Variants in MDN1 observed in about 807,000 individuals in gnomAD.
MDN1 encodes the protein midasin AAA ATPase 1, also known as midasin.
Under a neutral mutation model 669.2 loss-of-function variants are expected in MDN1, and 266 were observed. That is an observed-to-expected ratio of 0.40 (90% confidence interval 0.36 to 0.44). MDN1 has a LOEUF of 0.44. Ranked by LOEUF, MDN1 falls within the 20% of genes least tolerant of loss-of-function variation. MDN1 has a pLI of 1.00. For synonymous variants in MDN1, 2,385 were observed against 2,457.1 expected, an observed-to-expected ratio of 0.97 and a Z score of 0.87; for missense variants, 5,940 against 6,754.0, an observed-to-expected ratio of 0.88 and a Z score of 4.22.
chr6:89,687,136 G>C, intron 68 of MDN1, 113 bp from the exon 69 acceptor site: 5 of 1,464,444 alleles, frequency 3.4e-6, no homozygotes, highest in Non-Finnish European at 4.6e-6. Flanking sequence ...GGAGATGGAG[G>C]AGCCACCCAG....
chr6:89,668,466 A>G (rs1429092165), intron 83 of MDN1, among the ~76,000 whole-genome samples: 1 of 152,244 alleles, frequency 6.6e-6, no homozygotes, highest in Non-Finnish European at 1.5e-5. Flanking sequence ...TATTTTGGAA[A>G]AAGTCCTTGA....
intron 26 of MDN1, among the ~76,000 whole-genome samples, chr6:89,748,896 C>CA (rs5878109): frequency 0.52 from 76,942 of 147,294 alleles, 20,215 homozygotes; most frequent in East Asian, 0.69. Context: ...CTTGTCTCTA[C>CA]AAAAAAAAAA....
intron 5 of MDN1, among the ~76,000 whole-genome samples, chr6:89,793,288 T>A (rs1456226800): frequency 6.6e-6 from 1 of 152,208 alleles, no homozygotes; most frequent in Non-Finnish European, 1.5e-5. Flanking sequence ...TTGAATTACA[T>A]CAACATAGGA....
At chr6:89,761,807 A>G in intron 16 of MDN1, 59 bp from the exon 17 acceptor site, 1 of 1,180,902 alleles carries the variant, frequency 8.5e-7, no homozygotes, top group Non-Finnish European at 1.2e-6. Flanking sequence ...TACAACTTCT[A>G]AACAAACAAA....
intron 77 of MDN1, 99 bp downstream of exon 77, chr6:89,676,003 G>T: frequency 9.7e-7 from 1 of 1,031,002 alleles, no homozygotes; most frequent in Non-Finnish European, 1.5e-6. Context: ...TCCACTAACA[G>T]GCTGTTATCA....
At chr6:89,686,015 C>A in intron 69 of MDN1, 42 bp from the exon 70 acceptor site, 1 of 1,589,034 alleles carries the variant, frequency 6.3e-7, no homozygotes, top group Non-Finnish European at 8.6e-7. Context: ...TTCCTTCGAC[C>A]ATGACTCCCT....
Position 89,770,154 on chromosome 6 carries a change from C to G in MDN1, c.2144+1407G>C, listed in dbSNP as rs1818009246. 1.3e-5 allele frequency among the ~76,000 whole-genome samples: 2 copies of G among 151,682 alleles called. 1 individual carries two copies. The highest frequency in any genetic ancestry group is 4.2e-4 in the South Asian group (2 of 4,814). ...GGTGCAGTGGCTCACACCTGTAATC[C>G]CAGCAATTTGGGAGGCCGAGGTAGG... On this transcript the variant is annotated intron_variant, in intron 15 of 101. Coordinates refer to ENST00000369393, the MANE Select transcript of MDN1 (RefSeq NM_014611.3).
intron 94 of MDN1, among the ~76,000 whole-genome samples, chr6:89,652,581 A>G (rs1808953466): frequency 6.6e-6 from 1 of 152,252 alleles, no homozygotes; most frequent in Non-Finnish European, 1.5e-5. Context: ...TGATTAATCA[A>G]ATAAGTCAAA....
intron 35 of MDN1, among the ~76,000 whole-genome samples, chr6:89,729,925 G>A (rs1815486877): frequency 6.6e-6 from 1 of 152,080 alleles, no homozygotes; most frequent in Non-Finnish European, 1.5e-5. Context: ...GAGGACAGGG[G>A]CAAGGGCAAT....
At chr6:89,794,530 G>A (rs370207958) in intron 3 of MDN1, 47 bp downstream of exon 3, 4 of 1,545,338 alleles carry the variant, frequency 2.6e-6, no homozygotes, top group African/African-American at 1.4e-5. Context: ...CACATGCCCT[G>A]TACCATCCCC....
chr6:89,802,287 C>T (rs1488625116), intron 2 of MDN1, among the ~76,000 whole-genome samples: 2 of 152,184 alleles, frequency 1.3e-5, no homozygotes, highest in African/African-American at 2.4e-5. Context: ...GTCTTCATTT[C>T]CTATTTCCTC....
intron 93 of MDN1, 36 bp from the exon 94 acceptor site, chr6:89,653,191 A>G (rs759753932): frequency 1.9e-6 from 3 of 1,584,828 alleles, no homozygotes; most frequent in Non-Finnish European, 2.6e-6. Flanking sequence ...TACTTATAAT[A>G]TTAGCCTGAT....
At chr6:89,721,019 T>C (rs1292475653) in intron 40 of MDN1, among the ~76,000 whole-genome samples, 1 of 152,162 alleles carries the variant, frequency 6.6e-6, no homozygotes, top group Non-Finnish European at 1.5e-5. Flanking sequence ...GTGCCTATAG[T>C]CCCAGCTTAT....
rs377332868 is a variant in MDN1 at position 89,745,631 on chromosome 6, G to A, written c.3905-5C>T. On this transcript the variant is annotated splice_region_variant and splice_polypyrimidine_tract_variant and intron_variant, in intron 27 of 101. Transcript: ENST00000369393. Reference sequence around the variant, plus strand: ...GACCTGCCAGAAGCATATAACCTGGGAGGAGGAGGAGGAAAAGGAGGAGAG... The same window carrying A: ...GACCTGCCAGAAGCATATAACCTGGAAGGAGGAGGAGGAAAAGGAGGAGAG... 6.8e-6 allele frequency: 11 copies of A among 1,608,768 alleles called. No homozygotes were observed. The highest frequency in any genetic ancestry group is 1.7e-5 in the Admixed American group (1 of 59,498).
chr6:89,790,043 C>T (rs1296942801), intron 6 of MDN1, 116 bp downstream of exon 6: 2 of 1,585,006 alleles, frequency 1.3e-6, no homozygotes, highest in Admixed American at 3.6e-5. Flanking sequence ...TAGGTTGGCC[C>T]CAACAGTTAT....
intron 17 of MDN1, among the ~76,000 whole-genome samples, chr6:89,759,330 A>T (rs1817416107): frequency 6.6e-6 from 1 of 152,228 alleles, no homozygotes; most frequent in Non-Finnish European, 1.5e-5. Context: ...TCTAAATCCC[A>T]GAGTGTTTAG....
Position 89,692,657 on chromosome 6 carries a change from G to C in MDN1, c.10373C>G (p.Thr3458Ser), listed in dbSNP as rs776557048. The C allele has an allele frequency of 6.2e-7, 1 of 1,614,230 alleles. No individual in the cohort carries two copies. Among genetic ancestry groups the C allele is most frequent in the Non-Finnish European group, 8.5e-7 (1 of 1,180,040 alleles). The change falls in exon 63 of 102, where the codon ACT becomes AGT. Residue 3458 changes from threonine to serine, a missense_variant. Physicochemically the swap from Thr to Ser is moderately conservative, Grantham distance 58. Around this residue, in one of 5 missense-constraint regions of MDN1, gnomAD observed 150 missense variants for 234.2 expected, o/e 0.64. Coordinates refer to ENST00000369393, the MANE Select transcript of MDN1 (RefSeq NM_014611.3). ...CTCCTCAGACTTCACCGAGCACAAA[G>C]TGTCTGCATGAGCATAGTAAGTCGG... is the stretch of plus-strand genomic sequence containing the variant. ...TFPTYYAHAD[T>S]LCSVKSEEVL...
intron 31 of MDN1, among the ~76,000 whole-genome samples, chr6:89,741,218 C>A (rs112685676): frequency 6.6e-6 from 1 of 152,142 alleles, no homozygotes; most frequent in Non-Finnish European, 1.5e-5. Flanking sequence ...GGCAATACAG[C>A]AGGATGCTGT....
rs1197068814 is a variant in MDN1, at chr6:89,794,428, A to T, written c.554+149T>A. 28 of 762,124 alleles carry T rather than the reference A, an allele frequency of 3.7e-5. No individual in the cohort carries two copies. The Admixed American group carries it at 7.6e-4, about 21-fold the overall frequency. 47.2% of individuals were successfully genotyped at this position (762,124 alleles called of 1,614,324 possible). A position where few individuals can be genotyped will look rare whatever the true frequency, so the allele number is the denominator to read the frequency against. ...TCATTTTCCTCTGCAATGACACATGATTAAAGAAAGGAAGTAAAACCCCAA... is the reference window on the plus strand; with the variant it reads ...TCATTTTCCTCTGCAATGACACATGTTTAAAGAAAGGAAGTAAAACCCCAA... On this transcript the variant is annotated intron_variant, in intron 3 of 101. Transcript: ENST00000369393.
Sources: allele counts gnomAD v4.1 joint callset (sites outside exome capture counted in the v4.1 genomes callset), GRCh38; gene constraint gnomAD v4.1.1; regional missense constraint gnomAD v4.1.1; transcripts MANE v1.5; gene names NCBI Gene and HGNC (gene_info 2026-07-23, HGNC 2026-07-21).